The following IKZF2 variants were observed in gnomAD, a reference collection of about 807,000 sequenced individuals.
IKZF2 encodes IKAROS family zinc finger 2.
Under a neutral mutation model 49.2 loss-of-function variants are expected in IKZF2, and 15 were observed. That is an observed-to-expected ratio of 0.30 (90% CI 0.20 to 0.47). IKZF2 has a LOEUF of 0.47. Ranked by LOEUF, IKZF2 falls within the 20% of genes least tolerant of loss-of-function variation. IKZF2 has a pLI of 1.00. For synonymous variants in IKZF2, 227 were observed against 221.4 expected (o/e 1.03, Z -0.23); for missense variants, 567 against 664.6 (o/e 0.85, Z 1.61).
Position 213,147,403 on chromosome 2 carries a change from A to G in IKZF2, c.139+305T>C, listed in dbSNP as rs1015457612. On this transcript the variant is annotated intron_variant, in intron 4 of 8. Coordinates refer to ENST00000434687, the MANE Select transcript of IKZF2 (RefSeq NM_001387220.1). Reference sequence around the variant, plus strand: ...ACGTTTCCACATTTTTTACCCAACAACAACAAAAAATCCAGTCATAAACCT... The same window carrying G: ...ACGTTTCCACATTTTTTACCCAACAGCAACAAAAAATCCAGTCATAAACCT... 70 of 540,564 alleles carry G rather than the reference A, an allele frequency of 1.3e-4. No individual in the cohort carries two copies. The East Asian group carries it at 2.0e-3, about 16-fold the overall frequency. 33.5% of individuals were successfully genotyped at this position (540,564 alleles called of 1,614,324 possible).
intron 6 of IKZF2, among the ~76,000 whole-genome samples, chr2:213,046,849 G>T (rs1410419048): frequency 6.6e-6 from 1 of 152,040 alleles, no homozygotes; most frequent in Non-Finnish European, 1.5e-5. Context: ...AGGCTTACCT[G>T]GTACTTTCTC....
intron 6 of IKZF2, among the ~76,000 whole-genome samples, chr2:213,044,306 T>C (rs1215047236): frequency 6.6e-6 from 1 of 152,258 alleles, no homozygotes; most frequent in African/African-American, 2.4e-5. Flanking sequence ...CCCTTATTCC[T>C]AACCATTCTT....
rs540812175 is a variant in IKZF2 at position 213,110,475 on chromosome 2, G to A, written c.139+37233C>T. On this transcript the variant is annotated intron_variant, in intron 4 of 8. Transcript: ENST00000434687. ...TTTTTAATCTTAGCAATATATTTTCGAAATCTTTCCATATTCATGATTCTT... is the reference window on the plus strand; with the variant it reads ...TTTTTAATCTTAGCAATATATTTTCAAAATCTTTCCATATTCATGATTCTT... Among the ~76,000 whole-genome samples the A allele has an allele frequency of 2.3e-3, 343 of 150,390 alleles. 4 individuals are homozygous for A. Among genetic ancestry groups the A allele is most frequent in the African/African-American group, 5.9e-3 (241 of 40,920 alleles).
rs1427051146 is a variant in IKZF2 at position 213,013,938 on chromosome 2, T to C, written c.713-4A>G. 4.3e-6 allele frequency: 7 copies of C among 1,609,306 alleles called. No homozygotes were observed. Among genetic ancestry groups the C allele is most frequent in the East Asian group, 2.2e-5 (1 of 44,796 alleles). ...TTACAATCTTCCATAGGAGGTACTATACAAAACCATAGAAAAATGCAATCT... is the reference window on the plus strand; with the variant it reads ...TTACAATCTTCCATAGGAGGTACTACACAAAACCATAGAAAAATGCAATCT... On this transcript the variant is annotated splice_polypyrimidine_tract_variant and splice_region_variant and intron_variant, in intron 7 of 8. Coordinates refer to ENST00000434687, the MANE Select transcript of IKZF2 (RefSeq NM_001387220.1).
intron 4 of IKZF2, among the ~76,000 whole-genome samples, chr2:213,137,629 T>C (rs1366789431): frequency 6.6e-6 from 1 of 152,090 alleles, no homozygotes; most frequent in Non-Finnish European, 1.5e-5. Flanking sequence ...AATAAAGTCA[T>C]CTACTTCAGA....
In IKZF2 at chr2:213,007,550, T is replaced by C. The variant is rs1354769955; in HGVS notation, c.1391A>G (p.Glu464Gly). The C allele has an allele frequency of 6.2e-7, 1 of 1,613,560 alleles. No homozygotes were observed. Among genetic ancestry groups the C allele is most frequent in the Non-Finnish European group, 8.5e-7 (1 of 1,179,732 alleles). Residue 464 changes from glutamate (E) to glycine (G), a missense_variant, in exon 9 of 9, where the codon GAA becomes GGA. Glu to Gly is a moderately conservative substitution (Grantham distance 98). Coordinates refer to ENST00000434687, the MANE Select transcript of IKZF2 (RefSeq NM_001387220.1). ...CTTGAAGGCCCTAATCTGTTCTCCTTCTCCATTGAAGACCTTGTAGATGTC... is the reference window on the plus strand; with the variant it reads ...CTTGAAGGCCCTAATCTGTTCTCCTCCTCCATTGAAGACCTTGTAGATGTC... ...LKDIYKVFNG[E>G]GEQIRAFKCE...
intron 7 of IKZF2, among the ~76,000 whole-genome samples, chr2:213,017,334 A>G (rs1696721543): frequency 6.6e-6 from 1 of 152,150 alleles, no homozygotes; most frequent in Non-Finnish European, 1.5e-5. Context: ...TGAGATCTAT[A>G]TATTTAACAT....
chr2:213,144,355 A>G (rs1574995681), intron 4 of IKZF2, among the ~76,000 whole-genome samples: 1 of 152,094 alleles, frequency 6.6e-6, no homozygotes, highest in East Asian at 1.9e-4. Flanking sequence ...ATTTATACAT[A>G]AACATTATAA....
At chr2:213,041,422 C>T (rs554915383) in intron 6 of IKZF2, among the ~76,000 whole-genome samples, 1 of 152,126 alleles carries the variant, frequency 6.6e-6, no homozygotes, top group Non-Finnish European at 1.5e-5. Context: ...CCTGCCTCAG[C>T]CTCCCGAGTA....
rs569578838 is a variant in IKZF2, at chr2:213,052,691, T to C, written c.407-2811A>G. ...AGATTTCTAAAAGTATACATAGTTATATTCCAGGAATAATCCAAATATAGA... is the reference window on the plus strand; with the variant it reads ...AGATTTCTAAAAGTATACATAGTTACATTCCAGGAATAATCCAAATATAGA... On this transcript the variant is annotated intron_variant, in intron 5 of 8. Coordinates refer to ENST00000434687, the MANE Select transcript of IKZF2 (RefSeq NM_001387220.1). Among the ~76,000 whole-genome samples the C allele has an allele frequency of 2.0e-5, 3 of 152,214 alleles. No individual in the cohort carries two copies. In the East Asian group the frequency reaches 5.8e-4, roughly 29 times the overall value.
intron 4 of IKZF2, among the ~76,000 whole-genome samples, chr2:213,117,791 A>T (rs1218520341): frequency 6.6e-6 from 1 of 152,230 alleles, no homozygotes; most frequent in Admixed American, 6.5e-5. Context: ...GTTAGTTTGT[A>T]TAATACTATT....
intron 4 of IKZF2, among the ~76,000 whole-genome samples, chr2:213,074,704 C>A (rs1372053685): frequency 6.6e-6 from 1 of 152,116 alleles, no homozygotes. Context: ...CACTAAGAAT[C>A]TAGATTCTGT....
Position 213,000,953 on chromosome 2 carries a change from C to T in IKZF2, c.*6407G>A, listed in dbSNP as rs923243026. On this transcript the variant is annotated 3_prime_UTR_variant, in exon 9 of 9. Coordinates refer to ENST00000434687, the MANE Select transcript of IKZF2 (RefSeq NM_001387220.1). ...CATGAGATCAGACTAGTGGTTTCCA[C>T]ATTCTGTAATCTTTTGATTGTGGAG... The T allele has an allele frequency of 2.6e-5, 4 of 151,604 alleles. No homozygotes were observed. The highest frequency in any genetic ancestry group is 4.4e-5 in the Non-Finnish European group (3 of 67,552). 9.4% of individuals were successfully genotyped at this position (151,604 alleles called of 1,614,324 possible). A position where few individuals can be genotyped will look rare whatever the true frequency, so the allele number is the denominator to read the frequency against.
intron 4 of IKZF2, among the ~76,000 whole-genome samples, chr2:213,089,761 G>A (rs116386655): frequency 0.013 from 1,927 of 152,240 alleles, 39 homozygotes; most frequent in African/African-American, 0.044. Context: ...AGGGGGAGAA[G>A]GGTTAGTAAA....
chr2:213,087,271 G>A (rs746301995), intron 4 of IKZF2, among the ~76,000 whole-genome samples: 2 of 152,060 alleles, frequency 1.3e-5, no homozygotes, highest in African/African-American at 4.8e-5. Flanking sequence ...TTGCATAAAG[G>A]CATGGCAGAT....
chr2:213,043,028 G>T (rs1245216941), intron 6 of IKZF2, among the ~76,000 whole-genome samples: 1 of 152,056 alleles, frequency 6.6e-6, no homozygotes, highest in Non-Finnish European at 1.5e-5. Flanking sequence ...AGTGTCTACT[G>T]TCTAGGGAAA....
At chr2:213,076,555 C>G (rs6435756) in intron 4 of IKZF2, among the ~76,000 whole-genome samples, 67,135 of 151,926 alleles carry the variant, frequency 0.44, 16,099 homozygotes, top group African/African-American at 0.59. Flanking sequence ...TAACTCCAAA[C>G]GTAAATTCAT....
At chr2:213,133,084 G>C (rs2060526482) in intron 4 of IKZF2, among the ~76,000 whole-genome samples, 1 of 152,184 alleles carries the variant, frequency 6.6e-6, no homozygotes, top group African/African-American at 2.4e-5. Context: ...CGGACTAAAA[G>C]CATGTCCTTC....
At chr2:213,145,557 G>A (rs1026200625) in intron 4 of IKZF2, among the ~76,000 whole-genome samples, 1 of 152,022 alleles carries the variant, frequency 6.6e-6, no homozygotes, top group African/African-American at 2.4e-5. Flanking sequence ...TAGGTCTCTT[G>A]TTCTAATTAA....
Sources: allele counts gnomAD v4.1 joint callset (sites outside exome capture counted in the v4.1 genomes callset), GRCh38; gene constraint gnomAD v4.1.1; transcripts MANE v1.5; gene names NCBI Gene and HGNC (gene_info 2026-07-23, HGNC 2026-07-21).